Variants in RNASE4 observed in about 807,000 individuals in gnomAD.
RNASE4 encodes the protein ribonuclease A family member 4.
For missense variants in RNASE4, 194 were observed against 192.8 expected (o/e 1.01, Z -0.04); for synonymous variants, 93 against 71.4 (o/e 1.30, Z -1.52).
At chr14:20,691,257 G>A (rs1163858721) in intron 1 of RNASE4, among the ~76,000 whole-genome samples, 2 of 152,196 alleles carry the variant, frequency 1.3e-5, no homozygotes. Flanking sequence ...TCCGTTTCCT[G>A]ATTTCTGATT....
At position 20,699,941 on chromosome 14, in the gene RNASE4, T is replaced by A; in HGVS notation, c.*126T>A. On this transcript the variant is annotated 3_prime_UTR_variant, in exon 2 of 2. Coordinates refer to ENST00000555835, the MANE Select transcript of RNASE4 (RefSeq NM_002937.5). ...GCTCATTTCCTACTCTTTTTCTCTA[T>A]ATAACTCATTCTATTAAATACATTG... 1.3e-6 allele frequency: 1 copy of A among 772,064 alleles called. No individual in the cohort carries two copies. The highest frequency in any genetic ancestry group is 1.7e-5 in the South Asian group (1 of 57,660). 47.8% of individuals were successfully genotyped at this position (772,064 alleles called of 1,614,324 possible).
intron 1 of RNASE4, among the ~76,000 whole-genome samples, chr14:20,686,850 C>A (rs758582459): frequency 2.0e-5 from 3 of 152,306 alleles, no homozygotes; most frequent in Non-Finnish European, 4.4e-5. Context: ...TTCTTCCCAT[C>A]ATCTAATTTT....
intron 1 of RNASE4, among the ~76,000 whole-genome samples, chr14:20,686,360 C>T (rs1354819632): frequency 6.6e-6 from 1 of 152,162 alleles, no homozygotes; most frequent in East Asian, 1.9e-4. Context: ...AGGTTATAAG[C>T]AGGCAAGAGT....
rs771952196 is a variant in RNASE4 at position 20,699,475 on chromosome 14, G to A, written c.104G>A (p.Arg35Gln). The A allele has an allele frequency of 4.4e-5, 71 of 1,613,928 alleles. No homozygotes were observed. The Middle Eastern group carries it at 4.9e-4, about 11-fold the overall frequency. The change falls in exon 2 of 2, where the codon CGA becomes CAA. Residue 35 changes from arginine (R) to glutamine (Q), a missense_variant. Transcript: ENST00000555835. Reference sequence around the variant, plus strand: ...TATGGCCAGGATGGCATGTACCAGCGATTCCTGCGGCAACACGTGCACCCT... The same window carrying A: ...TATGGCCAGGATGGCATGTACCAGCAATTCCTGCGGCAACACGTGCACCCT... ...PSYGQDGMYQ[R>Q]FLRQHVHPEE... is the part of the protein sequence containing the mutation.
At chr14:20,687,270 A>G (rs572113743) in intron 1 of RNASE4, among the ~76,000 whole-genome samples, 2 of 152,378 alleles carry the variant, frequency 1.3e-5, no homozygotes, top group Non-Finnish European at 2.9e-5. Context: ...GTTTAAAAGA[A>G]AAACATAAAA....
At chr14:20,690,192 G>T (rs1231261638) in intron 1 of RNASE4, among the ~76,000 whole-genome samples, 1 of 126,696 alleles carries the variant, frequency 7.9e-6, no homozygotes, top group Non-Finnish European at 1.6e-5. Flanking sequence ...TCCGCAGTCC[G>T]GCCTGGGCGA....
chr14:20,698,328 C>A (rs1887159520), intron 1 of RNASE4, among the ~76,000 whole-genome samples: 1 of 152,122 alleles, frequency 6.6e-6, no homozygotes. Context: ...CAAGACAAAG[C>A]AATGTATCTC....
intron 1 of RNASE4, among the ~76,000 whole-genome samples, chr14:20,688,078 T>C (rs987513865): frequency 1.3e-5 from 2 of 152,146 alleles, no homozygotes; most frequent in Admixed American, 6.5e-5. Context: ...AGATAAGCAA[T>C]TTTGCAACTA....
intron 1 of RNASE4, among the ~76,000 whole-genome samples, chr14:20,690,255 A>C (rs1334872697): frequency 1.3e-5 from 2 of 150,786 alleles, no homozygotes; most frequent in African/African-American, 4.9e-5. Flanking sequence ...AAAAGAAAAG[A>C]AAAGAAAAAA....
At chr14:20,696,518 A>T (rs778259006) in intron 1 of RNASE4, among the ~76,000 whole-genome samples, 2 of 152,220 alleles carry the variant, frequency 1.3e-5, no homozygotes, top group Non-Finnish European at 2.9e-5. Context: ...GTGACATGCA[A>T]GGAAGAAAAT....
At chr14:20,691,705 G>C (rs1007048954) in intron 1 of RNASE4, among the ~76,000 whole-genome samples, 3 of 152,224 alleles carry the variant, frequency 2.0e-5, no homozygotes, top group African/African-American at 7.2e-5. Context: ...CAAATAATAT[G>C]CTAAGGAATT....
rs746741466 is a variant in RNASE4 at position 20,693,965 on chromosome 14, G to A, written c.-17-5390G>A. 3.7e-6 allele frequency: 6 copies of A among 1,613,918 alleles called. No homozygotes were observed. The African/African-American group carries it at 8.0e-5, about 22-fold the overall frequency. ...AACGTTGTTGTTGCTTGTGAAAATG[G>A]CTTACCTGTCCACTTGGATCAGTCA... On this transcript the variant is annotated intron_variant, in intron 1 of 1. Transcript: ENST00000555835.
chr14:20,685,083 C>T (rs1216195420), intron 1 of RNASE4, among the ~76,000 whole-genome samples: 1 of 152,188 alleles, frequency 6.6e-6, no homozygotes, highest in Non-Finnish European at 1.5e-5. Context: ...ACTAAGAAAG[C>T]TTTGCTAGTT....
At chr14:20,693,293 T>C (rs891118983) in intron 1 of RNASE4, among the ~76,000 whole-genome samples, 2 of 152,188 alleles carry the variant, frequency 1.3e-5, no homozygotes, top group African/African-American at 4.8e-5. Context: ...GATAGAGAAA[T>C]ACTCAGTGAT....
rs907511787 is a variant in RNASE4, at chr14:20,688,781, C to G, written c.-18+4023C>G. 44 of 985,268 alleles carry G rather than the reference C, an allele frequency of 4.5e-5. No homozygotes were observed. In the African/African-American group the frequency reaches 7.2e-4, roughly 16 times the overall value. The allele number at this position is 985,268 out of a possible 1,614,324, so 61.0% of individuals were successfully genotyped here. ...CAGAACCTGGAGAGGCCTCCAGGTT[C>G]ACACAACTGGAACCCATCTCCAGGA... is the stretch of plus-strand genomic sequence containing the variant. On this transcript the variant is annotated intron_variant, in intron 1 of 1. Coordinates refer to ENST00000555835, the MANE Select transcript of RNASE4 (RefSeq NM_002937.5).
chr14:20,693,508 T>A, intron 1 of RNASE4: 1 of 1,604,872 alleles, frequency 6.2e-7, no homozygotes, highest in Non-Finnish European at 8.5e-7. Context: ...TTGGTGATGC[T>A]GTTCTTGGGT....
At chr14:20,695,276 T>G (rs1195198296) in intron 1 of RNASE4, among the ~76,000 whole-genome samples, 2 of 151,426 alleles carry the variant, frequency 1.3e-5, no homozygotes, top group Non-Finnish European at 2.9e-5. Flanking sequence ...ACACCTATAG[T>G]CCCAGCTACT....
In RNASE4 at chr14:20,699,902, G is replaced by A; in HGVS notation, c.*87G>A. 8.8e-7 allele frequency: 1 copy of A among 1,142,418 alleles called. No homozygotes were observed. Among genetic ancestry groups the A allele is most frequent in the Non-Finnish European group, 1.3e-6 (1 of 773,900 alleles). The allele number at this position is 1,142,418 out of a possible 1,614,324, so 70.8% of individuals were successfully genotyped here. A position where few individuals can be genotyped will look rare whatever the true frequency, so the allele number is the denominator to read the frequency against. ...GAGTAATGCATTTGAGCTGTCCCAG[G>A]CTCTGTCTCCTCAGCTCATTTCCTA... is the stretch of plus-strand genomic sequence containing the variant. On this transcript the variant is annotated 3_prime_UTR_variant, in exon 2 of 2. Coordinates refer to ENST00000555835, the MANE Select transcript of RNASE4 (RefSeq NM_002937.5).
At chr14:20,688,007 G>A (rs895380767) in intron 1 of RNASE4, among the ~76,000 whole-genome samples, 4 of 152,190 alleles carry the variant, frequency 2.6e-5, no homozygotes, top group African/African-American at 9.7e-5. Context: ...GGTGATCCTG[G>A]TGACCTTTGG....
Sources: allele counts gnomAD v4.1 joint callset (sites outside exome capture counted in the v4.1 genomes callset), GRCh38; gene constraint gnomAD v4.1.1; transcripts MANE v1.5; gene names NCBI Gene and HGNC (gene_info 2026-07-23, HGNC 2026-07-21).